The following SLC10A2 variants were observed in gnomAD, a reference collection of about 807,000 sequenced individuals.
SLC10A2 encodes the protein ileal sodium/bile acid cotransporter.
A neutral mutation model predicts 27.1 loss-of-function variants in SLC10A2; 34 were observed. That is an observed-to-expected ratio of 1.26 (90% CI 0.96 to 1.67). The LOEUF is 1.67. Ranked by LOEUF, SLC10A2 falls within the 40% of genes most tolerant of loss-of-function variation. The probability of loss-of-function intolerance (pLI) is 0.00; values close to 1 mark genes in which losing one functional copy is unlikely to be tolerated. For missense variants in SLC10A2, 530 were observed against 444.4 expected (o/e 1.19, Z -1.73); for synonymous variants, 205 against 174.0 (o/e 1.18, Z -1.40).
At chr13:103,048,229 T>C (rs2138910921) in intron 5 of SLC10A2, among the ~76,000 whole-genome samples, 1 of 151,962 alleles carries the variant, frequency 6.6e-6, no homozygotes, top group African/African-American at 2.4e-5. Context: ...CTACTAAAAA[T>C]ACAAAAACAA....
chr13:103,048,875 A>G (rs1353610476), intron 5 of SLC10A2, among the ~76,000 whole-genome samples: 1 of 152,178 alleles, frequency 6.6e-6, no homozygotes, highest in African/African-American at 2.4e-5. Context: ...AGCCTGGTAA[A>G]TTTTCTTTGT....
intron 2 of SLC10A2, among the ~76,000 whole-genome samples, chr13:103,053,096 G>A (rs1875836675): frequency 7.1e-6 from 1 of 140,112 alleles, no homozygotes; most frequent in South Asian, 2.3e-4. Context: ...GTGTGTGTGT[G>A]TGTGTGTGTG....
chr13:103,049,360 A>G lies in SLC10A2; in HGVS notation c.848T>C (p.Leu283Pro). Residue 283 changes from leucine (L) to proline (P), a missense_variant, in exon 5 of 6, where the codon CTC becomes CCC. Physicochemically the swap from Leu to Pro is moderately conservative, Grantham distance 98 (BLOSUM62 -3). Coordinates refer to ENST00000245312, the MANE Select transcript of SLC10A2 (RefSeq NM_000452.3). ...IVQLSFTPEE[L>P]NVVFTFPLIY... Reference sequence around the variant, plus strand: ...GAGCGGGAAGGTGAATACGACATTGAGCTCCTCAGGAGTGAAGGAGAGCTG... The same window carrying G: ...GAGCGGGAAGGTGAATACGACATTGGGCTCCTCAGGAGTGAAGGAGAGCTG... 4.3e-6 allele frequency: 7 copies of G among 1,614,026 alleles called. No homozygotes were observed. The highest frequency in any genetic ancestry group is 5.9e-6 in the Non-Finnish European group (7 of 1,179,902).
chr13:103,057,754 T>G (rs147326001), intron 2 of SLC10A2, among the ~76,000 whole-genome samples: 40 of 152,032 alleles, frequency 2.6e-4, no homozygotes, highest in African/African-American at 9.6e-4. Flanking sequence ...TAGTGCATGC[T>G]TGTAATTCCA....
chr13:103,057,818 G>A (rs1186324633), intron 2 of SLC10A2, among the ~76,000 whole-genome samples: 1 of 151,908 alleles, frequency 6.6e-6, no homozygotes, highest in Non-Finnish European at 1.5e-5. Flanking sequence ...GGTGAAATTT[G>A]CAGTGAGCCG....
In SLC10A2 at chr13:103,045,337, C is replaced by G. The variant is rs1180598295; in HGVS notation, c.*796G>C. ...GCACACAGGAAAACCTTGAGGAAGT[C>G]CCTCTCCCAGATTTGAAGAGCTCTT... On this transcript the variant is annotated 3_prime_UTR_variant, in exon 6 of 6. Coordinates refer to ENST00000245312, the MANE Select transcript of SLC10A2 (RefSeq NM_000452.3). 6.6e-6 allele frequency: 1 copy of G among 152,176 alleles called. No individual in the cohort carries two copies. The highest frequency in any genetic ancestry group is 1.5e-5 in the Non-Finnish European group (1 of 68,092). 9.4% of individuals were successfully genotyped at this position (152,176 alleles called of 1,614,324 possible).
chr13:103,066,059 C>A lies in SLC10A2; in HGVS notation c.191G>T (p.Arg64Leu). The A allele has an allele frequency of 6.2e-7, 1 of 1,614,124 alleles. No individual in the cohort carries two copies. Among genetic ancestry groups the A allele is most frequent in the Non-Finnish European group, 8.5e-7 (1 of 1,180,010 alleles). ...GAAGCCAACACAAATGCCCCACGGC[C>A]GCTTTATGTGCCCTAGAAATTTCTT... ...EIKKFLGHIK[R>L]PWGICVGFLC... Residue 64 changes from arginine to leucine, a missense_variant, in exon 1 of 6, where the codon CGG becomes CTG. Coordinates refer to ENST00000245312, the MANE Select transcript of SLC10A2 (RefSeq NM_000452.3).
At chr13:103,059,012 A>G (rs1876024333) in intron 1 of SLC10A2, among the ~76,000 whole-genome samples, 1 of 152,148 alleles carries the variant, frequency 6.6e-6, no homozygotes, top group Non-Finnish European at 1.5e-5. Flanking sequence ...TTCTGTTTTT[A>G]GGTCTTTGAG....
chr13:103,048,582 TA>T (rs754392917), intron 5 of SLC10A2, among the ~76,000 whole-genome samples: 98 of 151,834 alleles, frequency 6.5e-4, no homozygotes, highest in African/African-American at 1.9e-3. Context: ...GCTTTTTTAT[TA>T]AAAAAAATAG....
chr13:103,057,373 A>T (rs1875969990), intron 2 of SLC10A2, among the ~76,000 whole-genome samples: 1 of 152,188 alleles, frequency 6.6e-6, no homozygotes, highest in Non-Finnish European at 1.5e-5. Context: ...CCAGAAACAG[A>T]AAATAAGGTT....
chr13:103,048,987 C>T (rs770122695), intron 5 of SLC10A2, among the ~76,000 whole-genome samples: 33 of 152,170 alleles, frequency 2.2e-4, no homozygotes, highest in African/African-American at 6.8e-4. Flanking sequence ...TGCCAGAAGG[C>T]GCACAATAAA....
chr13:103,063,210 T>A (rs928810422), intron 1 of SLC10A2, among the ~76,000 whole-genome samples: 1 of 119,374 alleles, frequency 8.4e-6, no homozygotes, highest in Non-Finnish European at 1.8e-5. Flanking sequence ...TATTGTCTAT[T>A]TTTTTTTTGT....
At chr13:103,057,472 A>G (rs1006382309) in intron 2 of SLC10A2, among the ~76,000 whole-genome samples, 3 of 152,212 alleles carry the variant, frequency 2.0e-5, no homozygotes, top group Admixed American at 2.0e-4. Flanking sequence ...CTTTTGGGTC[A>G]AGGTGTGGCT....
intron 1 of SLC10A2, among the ~76,000 whole-genome samples, chr13:103,063,454 A>T (rs1433923437): frequency 6.6e-6 from 1 of 152,190 alleles, no homozygotes; most frequent in Non-Finnish European, 1.5e-5. Context: ...GGAGATGGAG[A>T]AGGTAAAATT....
intron 3 of SLC10A2, among the ~76,000 whole-genome samples, chr13:103,051,718 A>G (rs1875786996): frequency 6.6e-6 from 1 of 152,070 alleles, no homozygotes; most frequent in Non-Finnish European, 1.5e-5. Context: ...CAAAAAGACA[A>G]CCCATTTCGA....
rs61966074 is a variant in SLC10A2 at position 103,049,298 on chromosome 13, A to G, written c.910T>C (p.Phe304Leu). Reference protein sequence around the residue: ...SIFQLAFAAIFLGFYVAYKKC... With the variant: ...SIFQLAFAAILLGFYVAYKKC... ...TGGCATGATTCCTTACATCCTAAGAATATTGCGGCAAAGGCGAGCTGGAAA... is the reference window on the plus strand; with the variant it reads ...TGGCATGATTCCTTACATCCTAAGAGTATTGCGGCAAAGGCGAGCTGGAAA... Residue 304 changes from phenylalanine (F) to leucine (L), a missense_variant, in exon 5 of 6, where the codon TTC becomes CTC. Phe to Leu is a conservative substitution (Grantham distance 22, BLOSUM62 0). Coordinates refer to ENST00000245312, the MANE Select transcript of SLC10A2 (RefSeq NM_000452.3). 3.5e-3 allele frequency: 5,683 copies of G among 1,613,794 alleles called. 14 individuals carry two copies. Among genetic ancestry groups the G allele is most frequent in the Non-Finnish European group, 4.3e-3 (5,130 of 1,179,768 alleles).
chr13:103,048,444 G>C (rs889271019), intron 5 of SLC10A2, among the ~76,000 whole-genome samples: 10 of 151,338 alleles, frequency 6.6e-5, no homozygotes, highest in African/African-American at 2.4e-4. Flanking sequence ...GAGAGAGAGA[G>C]AGAAAAGCAA....
intron 3 of SLC10A2, among the ~76,000 whole-genome samples, chr13:103,051,943 AT>A (rs11336918): frequency 0.37 from 56,584 of 151,952 alleles, 11,909 homozygotes; most frequent in African/African-American, 0.59. Flanking sequence ...CACTGTTGTT[AT>A]TTTTTTTCTC....
chr13:103,049,164 G>A (rs1875693760), intron 5 of SLC10A2, 125 bp downstream of exon 5: 2 of 969,740 alleles, frequency 2.1e-6, no homozygotes, highest in Admixed American at 3.6e-5. Flanking sequence ...TATGACGGTG[G>A]CTTTTTCCTC....
Sources: allele counts gnomAD v4.1 joint callset (sites outside exome capture counted in the v4.1 genomes callset), GRCh38; gene constraint gnomAD v4.1.1; transcripts MANE v1.5; gene names NCBI Gene and HGNC (gene_info 2026-07-23, HGNC 2026-07-21).